The following RGPD2 variants were observed in gnomAD, a reference collection of about 807,000 sequenced individuals.
RGPD2 encodes RANBP2 like and GRIP domain containing 2.
RGPD2 carries 2 observed loss-of-function variants against 36.0 expected under a neutral mutation model. That is an observed-to-expected ratio of 0.06 (90% CI 0.02 to 0.17). The LOEUF (loss-of-function observed/expected upper bound fraction) is 0.17, where lower values mean the gene tolerates loss of function less well. Among genes scored for constraint, RGPD2 ranks in the 10% least tolerant of loss-of-function variants. The pLI, the probability that RGPD2 is intolerant of heterozygous loss-of-function variation, is 1.00. For synonymous variants in RGPD2, 19 were observed against 163.8 expected (o/e 0.12, Z 6.75); for missense variants, 40 against 464.3 (o/e 0.09, Z 8.40).
At chr2:87,943,460 T>A in the RGPD2 span, among the ~76,000 whole-genome samples, 1 of 152,048 alleles carries the variant, frequency 6.6e-6, no homozygotes, top group Non-Finnish European at 1.5e-5. Context: ...TTTATTTTGT[T>A]CCATAATGTT....
chr2:87,915,596 ATATG>A, the RGPD2 span, among the ~76,000 whole-genome samples: 15 of 146,360 alleles, frequency 1.0e-4, no homozygotes, highest in African/African-American at 3.3e-4. Flanking sequence ...ATACACATAT[ATATG>A]TGTGTGTATA....
chr2:87,830,317 A>G (rs1672452364), upstream of RGPD2, among the ~76,000 whole-genome samples: 1 of 152,198 alleles, frequency 6.6e-6, no homozygotes, highest in South Asian at 2.1e-4. Context: ...ATTTCCATAC[A>G]TCCTCTGAAA....
At chr2:87,874,064 GT>G in the RGPD2 span, among the ~76,000 whole-genome samples, 21 of 144,918 alleles carry the variant, frequency 1.4e-4, no homozygotes, top group East Asian at 2.0e-4. Context: ...TTTGCCTATG[GT>G]TTTTTTTTTC....
intron 1 of RGPD2, 36 bp downstream of exon 1, chr2:87,825,601 GGTCGAGGCCGCCGCCCGGCCA>G (rs1686759226): frequency 1.4e-6 from 2 of 1,382,254 alleles, no homozygotes; most frequent in Admixed American, 2.3e-5. Context: ...CGCCCGGCCA[GGTCGAGGCCGCCGCCCGGCCA>G]GGTCGAGGCC....
the RGPD2 span, chr2:87,985,839 T>C: frequency 1.2e-6 from 2 of 1,610,868 alleles, no homozygotes; most frequent in Non-Finnish European, 8.5e-7. Context: ...ACTGTGGACA[T>C]TGTACCACTT....
chr2:87,966,460 C>G, the RGPD2 span, among the ~76,000 whole-genome samples: 1 of 148,992 alleles, frequency 6.7e-6, no homozygotes, highest in East Asian at 2.0e-4. Context: ...GGTTCCCAGT[C>G]TGTGCACTCA....
At chr2:87,971,848 G>C in the RGPD2 span, among the ~76,000 whole-genome samples, 1 of 152,076 alleles carries the variant, frequency 6.6e-6, no homozygotes, top group East Asian at 1.9e-4. Flanking sequence ...CTTGCTCTTT[G>C]CCAAGAGTAA....
the RGPD2 span, among the ~76,000 whole-genome samples, chr2:87,974,031 T>C: frequency 1.3e-5 from 2 of 152,098 alleles, no homozygotes; most frequent in South Asian, 4.1e-4. Flanking sequence ...GTTTCACAAC[T>C]CCGGGGGCAT....
At chr2:87,932,707 C>T in the RGPD2 span, among the ~76,000 whole-genome samples, 14 of 151,942 alleles carry the variant, frequency 9.2e-5, no homozygotes, top group Admixed American at 2.0e-4. Flanking sequence ...CCTTTGATTA[C>T]GAAACTTAGT....
chr2:87,980,132 CTT>C, the RGPD2 span, among the ~76,000 whole-genome samples: 1 of 152,086 alleles, frequency 6.6e-6, no homozygotes, highest in African/African-American at 2.4e-5. Flanking sequence ...AGGAAGGTCA[CTT>C]GAGGTCAGGA....
the RGPD2 span, among the ~76,000 whole-genome samples, chr2:87,883,088 A>G: frequency 6.6e-6 from 1 of 152,210 alleles, no homozygotes; most frequent in South Asian, 2.1e-4. Context: ...ATAAAGTGTA[A>G]AAACAAAACT....
At chr2:87,881,049 G>A in the RGPD2 span, among the ~76,000 whole-genome samples, 3 of 150,504 alleles carry the variant, frequency 2.0e-5, no homozygotes, top group Non-Finnish European at 3.0e-5. Flanking sequence ...AATCTCCGTT[G>A]AATACATGTC....
the RGPD2 span, chr2:87,985,896 G>A: frequency 1.7e-3 from 2,776 of 1,601,048 alleles, 76 homozygotes; most frequent in South Asian, 0.029. Context: ...AAACTTAATT[G>A]TTTGCAAACA....
chr2:87,807,384 T>G (rs1372183841), intron 6 of RGPD2, among the ~76,000 whole-genome samples: 19 of 125,394 alleles, frequency 1.5e-4, no homozygotes, highest in African/African-American at 3.3e-4. Context: ...TAAATTGTTT[T>G]TTTTTTTTTT....
chr2:87,961,884 C>A, the RGPD2 span, among the ~76,000 whole-genome samples: 4 of 147,750 alleles, frequency 2.7e-5, no homozygotes, highest in African/African-American at 1.0e-4. Context: ...TAGGAACAGC[C>A]ATTCGCCTGG....
Position 87,772,850 on chromosome 2 carries a change from C to T in RGPD2, c.5041-486G>A, listed in dbSNP as rs185479283. On this transcript the variant is annotated intron_variant, in intron 21 of 22. Coordinates refer to ENST00000398146, the MANE Select transcript of RGPD2 (RefSeq NM_001078170.3). ...GTATCACTGACAGGAGAGGATGCATCCTGTGTAAATACTGGAGTTCTTGTC... is the reference window on the plus strand; with the variant it reads ...GTATCACTGACAGGAGAGGATGCATTCTGTGTAAATACTGGAGTTCTTGTC... 1.7e-4 allele frequency among the ~76,000 whole-genome samples: 25 copies of T among 150,936 alleles called. 1 individual carries two copies. The highest frequency in any genetic ancestry group is 9.9e-4 in the Admixed American group (15 of 15,112).
chr2:87,977,409 T>C, the RGPD2 span, among the ~76,000 whole-genome samples: 2 of 144,542 alleles, frequency 1.4e-5, no homozygotes, highest in African/African-American at 5.2e-5. Flanking sequence ...TAACATTTTA[T>C]AAAATACAAT....
At chr2:87,798,794 G>A (rs1685791005) in intron 8 of RGPD2, among the ~76,000 whole-genome samples, 4 of 118,994 alleles carry the variant, frequency 3.4e-5, no homozygotes, top group African/African-American at 1.2e-4. Flanking sequence ...CGTGAACCCG[G>A]GAGGCGGAGC....
At chr2:87,923,588 T>A in the RGPD2 span, among the ~76,000 whole-genome samples, 30 of 151,612 alleles carry the variant, frequency 2.0e-4, no homozygotes, top group Middle Eastern at 6.8e-3. Context: ...TGGACTGCAA[T>A]CTCCCTCCCA....
Sources: gnomAD v4.1 joint callset for allele counts (sites outside exome capture counted in the v4.1 genomes callset) on GRCh38, gnomAD v4.1.1 for gene constraint, MANE v1.5 for transcripts, NCBI Gene and HGNC (gene_info 2026-07-23, HGNC 2026-07-21) for gene names.